The following CDHR2 variants were observed in gnomAD, a reference collection of about 807,000 sequenced individuals.
CDHR2 encodes cadherin related family member 2, also known as cadherin-related family member 2.
CDHR2 carries 104 observed loss-of-function variants against 138.6 expected under a neutral mutation model. The observed-to-expected ratio is 0.75, with a 90% confidence interval of 0.64 to 0.88. The LOEUF is 0.88. Among genes scored for constraint, CDHR2 ranks in the 40% least tolerant of loss-of-function variants. The probability of loss-of-function intolerance (pLI) is 0.00; values close to 1 mark genes in which losing one functional copy is unlikely to be tolerated. For synonymous variants in CDHR2, 755 were observed against 742.8 expected, an observed-to-expected ratio of 1.02 and a Z score of -0.27; for missense variants, 1,624 against 1,727.6, an observed-to-expected ratio of 0.94 and a Z score of 1.06.
intron 6 of CDHR2, among the ~76,000 whole-genome samples, chr5:176,572,811 C>G: frequency 6.6e-6 from 1 of 152,308 alleles, no homozygotes; most frequent in Middle Eastern, 3.4e-3. Context: ...CCTCAGCACC[C>G]GGCACTGTCT....
chr5:176,565,869 A>T, intron 3 of CDHR2, 126 bp downstream of exon 3: 1 of 686,948 alleles, frequency 1.5e-6, no homozygotes, highest in South Asian at 1.8e-5. Context: ...GAGGGACTGA[A>T]GGGAGCTCCT....
rs774246443 is a variant in CDHR2, at chr5:176,584,833, G to T, written c.2552G>T (p.Cys851Phe). ...QLEIQLVNIL[C>F]TKAGVDVGSL... Reference sequence around the variant, plus strand: ...GAGATACAGCTTGTGAACATTCTCTGCACCAAGGCCGGGGTCGATGTGGGC... The same window carrying T: ...GAGATACAGCTTGTGAACATTCTCTTCACCAAGGCCGGGGTCGATGTGGGC... The change falls in exon 19 of 32, where the codon TGC (cysteine) becomes TTC (phenylalanine). Residue 851 changes from cysteine (C) to phenylalanine (F), a missense_variant. Coordinates refer to ENST00000261944, the MANE Select transcript of CDHR2 (RefSeq NM_017675.6). 1.4e-5 allele frequency: 22 copies of T among 1,614,052 alleles called. No homozygotes were observed. The highest frequency in any genetic ancestry group is 1.8e-5 in the Non-Finnish European group (21 of 1,180,036).
At chr5:176,587,099 A>G (rs1268840299) in intron 21 of CDHR2, among the ~76,000 whole-genome samples, 5 of 152,256 alleles carry the variant, frequency 3.3e-5, no homozygotes, top group African/African-American at 1.2e-4. Flanking sequence ...ATTCTTGAGT[A>G]ATACAGAGAA....
intron 9 of CDHR2, 32 bp downstream of exon 9, chr5:176,575,458 G>A: frequency 6.2e-7 from 1 of 1,614,224 alleles, no homozygotes; most frequent in Non-Finnish European, 8.5e-7. Context: ...TGTGGGTGGA[G>A]GCGGGAGGCG....
chr5:176,554,708 T>G (rs1166890232), intron 1 of CDHR2, among the ~76,000 whole-genome samples: 2 of 152,360 alleles, frequency 1.3e-5, no homozygotes, highest in Admixed American at 1.3e-4. Context: ...TCTCCCAGGC[T>G]GGAGTGCAGT....
In CDHR2 at chr5:176,590,679, G is replaced by T; in HGVS notation, c.3531G>T (p.Val1177=). Residue 1177 remains valine (V), a synonymous_variant, in exon 28 of 32, where the codon GTG becomes GTT. Transcript: ENST00000261944. ...TCATGACCATGGCCTTCGTGTGTGT[G>T]CGGAAGAGGTGCGGCTCCCATTGCC... The part of the protein sequence containing the change: ...LVIMTMAFVC[V]RKSYNRKLQA... The T allele has an allele frequency of 1.2e-6, 2 of 1,613,350 alleles. No individual in the cohort carries two copies. The highest frequency in any genetic ancestry group is 1.7e-6 in the Non-Finnish European group (2 of 1,180,012).
At chr5:176,568,117 A>G (rs1207581320) in intron 3 of CDHR2, among the ~76,000 whole-genome samples, 2 of 152,152 alleles carry the variant, frequency 1.3e-5, no homozygotes, top group Non-Finnish European at 2.9e-5. Flanking sequence ...CAGAGGCTGG[A>G]TGGGTAAAGG....
chr5:176,592,714 C>G lies in CDHR2; in HGVS notation c.3735-9C>G. 2 of 1,613,626 alleles carry G rather than the reference C, an allele frequency of 1.2e-6. No individual in the cohort carries two copies. Among genetic ancestry groups the G allele is most frequent in the Non-Finnish European group, 1.7e-6 (2 of 1,179,738 alleles). On this transcript the variant is annotated splice_polypyrimidine_tract_variant and intron_variant, in intron 30 of 31. Transcript: ENST00000261944. ...TGCCAACACCTGAGCTCCATCACCT[C>G]TCTTACAGCGTCAACTCCCTGGACG...
chr5:176,548,886 C>T (rs1257645845), upstream of CDHR2, among the ~76,000 whole-genome samples: 5 of 152,132 alleles, frequency 3.3e-5, no homozygotes, highest in Non-Finnish European at 5.9e-5. Flanking sequence ...GCTCAGCTAG[C>T]CCCCAGTCCT....
intron 16 of CDHR2, among the ~76,000 whole-genome samples, chr5:176,580,472 T>C (rs2113308332): frequency 7.3e-6 from 1 of 137,594 alleles, no homozygotes; most frequent in African/African-American, 2.8e-5. Context: ...GAAGCTGCAG[T>C]GAGCTGAGAT....
chr5:176,574,598 G>T (rs572361589), intron 7 of CDHR2, among the ~76,000 whole-genome samples: 2 of 152,348 alleles, frequency 1.3e-5, no homozygotes, highest in Non-Finnish European at 2.9e-5. Flanking sequence ...GGCTGCTCAA[G>T]TCCCTGACAT....
At position 176,543,034 on chromosome 5, in the gene CDHR2, G is replaced by C. The variant is rs1244830419; in HGVS notation, c.-16+265G>C. Among the ~76,000 whole-genome samples, 1 of 151,794 alleles carries C rather than the reference G, an allele frequency of 6.6e-6. No individual in the cohort carries two copies. Among genetic ancestry groups the C allele is most frequent in the Non-Finnish European group, 1.5e-5 (1 of 67,878 alleles). On this transcript the variant is annotated intron_variant, in intron 1 of 31. Transcript: ENST00000510636. This position sits in a 1 kb window ranked among gnomAD's most constrained non-coding sequence, Gnocchi z 4.0. Reference sequence around the variant, plus strand: ...GGCACGCGGGGGCTCGGAGTTCCCCGGGGCTCCCCGAGTTGGGGCGTTTGG... The same window carrying C: ...GGCACGCGGGGGCTCGGAGTTCCCCCGGGCTCCCCGAGTTGGGGCGTTTGG...
upstream of CDHR2, chr5:176,549,299 G>C (rs1247314610): frequency 6.6e-6 from 1 of 152,428 alleles, no homozygotes; most frequent in Non-Finnish European, 1.5e-5. Flanking sequence ...CTCAGTGGAG[G>C]TGGAGATGGT....
At chr5:176,566,232 T>G (rs1433425636) in intron 3 of CDHR2, among the ~76,000 whole-genome samples, 1 of 152,226 alleles carries the variant, frequency 6.6e-6, no homozygotes, top group African/African-American at 2.4e-5. Context: ...GATGTAAAGT[T>G]TGCTTTTAAA....
chr5:176,548,833 G>A (rs185820622), upstream of CDHR2, among the ~76,000 whole-genome samples: 54 of 152,230 alleles, frequency 3.5e-4, no homozygotes, highest in Non-Finnish European at 6.9e-4. Context: ...GTCTCAATGC[G>A]GGGTGAGATC....
intron 1 of CDHR2, 53 bp downstream of exon 1, chr5:176,549,467 TGGG>T (rs994261429): frequency 6.7e-6 from 1 of 149,312 alleles, no homozygotes; most frequent in Non-Finnish European, 1.5e-5. Context: ...ATGTGGGGGT[TGGG>T]GGGATCCCTA....
intron 3 of CDHR2, among the ~76,000 whole-genome samples, chr5:176,567,888 C>T (rs13162074): frequency 0.6 from 91,148 of 151,964 alleles, 29,529 homozygotes; most frequent in Non-Finnish European, 0.74. Context: ...CTCAGCCTCC[C>T]GGAGTGCGGG....
chr5:176,574,042 A>G, intron 6 of CDHR2, 41 bp from the exon 7 acceptor site: 1 of 1,458,866 alleles, frequency 6.9e-7, no homozygotes, highest in Non-Finnish European at 9.6e-7. Context: ...GGAGAGGAGG[A>G]GCTGGATTTG....
rs753774305 is a variant in CDHR2 at position 176,578,567 on chromosome 5, T to C, written c.1777T>C (p.Phe593Leu). The C allele has an allele frequency of 4.2e-5, 68 of 1,613,562 alleles. 2 individuals carry two copies. The South Asian group carries it at 7.2e-4, about 17-fold the overall frequency. Residue 593 changes from phenylalanine to leucine, a missense_variant, in exon 16 of 32, where the codon TTC becomes CTC. By Grantham distance (22) the Phe-to-Leu change is conservative. This residue lies in a region of CDHR2 where 1,061 missense variants were observed against 1,136.6 expected (regional missense o/e 0.93). Coordinates refer to ENST00000261944, the MANE Select transcript of CDHR2 (RefSeq NM_017675.6). The part of the protein sequence containing the change: ...APVVSGSYNI[F>L]VQEEEGNVSV... ...CGTGGTTAGCGGCTCCTACAACATC[T>C]TCGTCCAGGAGGAGGAGGGCAATGT... is the stretch of plus-strand genomic sequence containing the variant.
Sources: allele counts gnomAD v4.1 joint callset (sites outside exome capture counted in the v4.1 genomes callset), GRCh38; gene constraint gnomAD v4.1.1; regional missense constraint gnomAD v4.1.1; non-coding constraint Gnocchi (gnomAD v3.1); transcripts MANE v1.5; gene names NCBI Gene and HGNC (gene_info 2026-07-23, HGNC 2026-07-21).